WDHD1: variants seen among roughly 807,000 people sequenced by gnomAD.
WDHD1 encodes WD repeat and HMG-box DNA binding protein 1.
Under a neutral mutation model 135.4 loss-of-function variants are expected in WDHD1, and 111 were observed. The ratio of observed to expected loss-of-function variants is 0.82; its 90% CI spans 0.70 to 0.96. The LOEUF (loss-of-function observed/expected upper bound fraction) is 0.96, where lower values mean the gene tolerates loss of function less well. Ranked by LOEUF, WDHD1 falls within the 40% of genes least tolerant of loss-of-function variation. The pLI is 0.00. For synonymous variants in WDHD1, 434 were observed against 439.0 expected, an observed-to-expected ratio of 0.99 and a Z score of 0.14; for missense variants, 1,351 against 1,336.3, an observed-to-expected ratio of 1.01 and a Z score of -0.17.
intron 2 of WDHD1, among the ~76,000 whole-genome samples, chr14:55,017,471 T>A (rs970428167): frequency 6.6e-6 from 1 of 151,938 alleles, no homozygotes; most frequent in Non-Finnish European, 1.5e-5. Context: ...GCCTCCCAAG[T>A]AGCTAGTATT....
intron 2 of WDHD1, among the ~76,000 whole-genome samples, chr14:55,020,186 C>G (rs2042322543): frequency 6.6e-6 from 1 of 152,206 alleles, no homozygotes; most frequent in Admixed American, 6.5e-5. Flanking sequence ...CTATACCCCA[C>G]TGGTACTAGA....
Position 54,991,388 on chromosome 14 carries a change from A to G in WDHD1, c.1166T>C (p.Leu389Pro). The change falls in exon 12 of 26, where the codon CTA (leucine) becomes CCA (proline). Residue 389 changes from leucine (L) to proline (P), a missense_variant. By Grantham distance (98) the Leu-to-Pro change is moderately conservative (BLOSUM62 -3). Coordinates refer to ENST00000360586, the MANE Select transcript of WDHD1 (RefSeq NM_007086.4). Reference sequence around the variant, plus strand: ...TTTGAGAAGACTAGAACCAGTTTTTAGCATTGAAATATCTACAACACAAAG... The same window carrying G: ...TTTGAGAAGACTAGAACCAGTTTTTGGCATTGAAATATCTACAACACAAAG... Reference protein sequence around the residue: ...DDENSVDISMLKTGSSLLKEE... With the variant: ...DDENSVDISMPKTGSSLLKEE... The G allele has an allele frequency of 3.7e-6, 6 of 1,613,944 alleles. No individual in the cohort carries two copies. Among genetic ancestry groups the G allele is most frequent in the Non-Finnish European group, 5.1e-6 (6 of 1,179,866 alleles).
intron 24 of WDHD1, among the ~76,000 whole-genome samples, chr14:54,954,718 G>T (rs8008150): frequency 0.31 from 47,264 of 152,022 alleles, 7,487 homozygotes; most frequent in African/African-American, 0.37. Flanking sequence ...ATAGTATAAA[G>T]AAGTTCTTTT....
intron 2 of WDHD1, among the ~76,000 whole-genome samples, chr14:55,018,892 G>A (rs555084389): frequency 4.6e-5 from 7 of 152,232 alleles, no homozygotes; most frequent in South Asian, 2.1e-4. Flanking sequence ...GCATGGTGGC[G>A]CATGCCTGTA....
rs772387287 is a variant in WDHD1 at position 55,003,097 on chromosome 14, TAATA to T, written c.601-916_601-913del. Among the ~76,000 whole-genome samples, 9 of 152,246 alleles carry T rather than the reference TAATA, an allele frequency of 5.9e-5. No homozygotes were observed. In the East Asian group the frequency reaches 1.7e-3, roughly 29 times the overall value. ...TATCCAAAAAAGGATTAGTAACATA[TAATA>T]AAAACTTTATTTTAAAAAATTTTTA... On this transcript the variant is annotated intron_variant, in intron 7 of 25. Coordinates refer to ENST00000360586, the MANE Select transcript of WDHD1 (RefSeq NM_007086.4).
At chr14:55,008,781 T>C in intron 4 of WDHD1, 62 bp from the exon 5 acceptor site, 1 of 1,105,818 alleles carries the variant, frequency 9.0e-7, no homozygotes. Context: ...TCCTAAAAGC[T>C]ATGATCCAAA....
At chr14:55,026,894 G>A (rs1207496994) in intron 1 of WDHD1, 91 bp from the exon 2 acceptor site, 2 of 1,267,236 alleles carry the variant, frequency 1.6e-6, no homozygotes, top group Non-Finnish European at 2.3e-6. Flanking sequence ...CTCCTCTAGG[G>A]CCCGTTCTCC....
chr14:54,941,308 G>T lies in WDHD1; in HGVS notation c.*182C>A. ...TGGAGGCAGAGTAATCTGCAAAGATGATAGTTTTTACATATGTCCTGTTAC... is the reference window on the plus strand; with the variant it reads ...TGGAGGCAGAGTAATCTGCAAAGATTATAGTTTTTACATATGTCCTGTTAC... On this transcript the variant is annotated 3_prime_UTR_variant, in exon 26 of 26. Coordinates refer to ENST00000360586, the MANE Select transcript of WDHD1 (RefSeq NM_007086.4). The T allele has an allele frequency of 2.1e-6, 1 of 468,216 alleles. No individual in the cohort carries two copies. Among genetic ancestry groups the T allele is most frequent in the Non-Finnish European group, 3.6e-6 (1 of 277,896 alleles). The allele number at this position is 468,216 out of a possible 1,614,324, so 29.0% of individuals were successfully genotyped here. A position where few individuals can be genotyped will look rare whatever the true frequency, so the allele number is the denominator to read the frequency against.
intron 18 of WDHD1, among the ~76,000 whole-genome samples, chr14:54,966,164 TAAAAAAAAAAAAA>T (rs34071862): frequency 1.5e-5 from 1 of 67,198 alleles, no homozygotes; most frequent in South Asian, 6.7e-4. Context: ...CCATCTCTAC[TAAAAAAAAAAAAA>T]AAAAAAAAAA....
chr14:54,954,223 T>C (rs896322149), intron 24 of WDHD1, among the ~76,000 whole-genome samples: 3 of 151,024 alleles, frequency 2.0e-5, no homozygotes, highest in Non-Finnish European at 4.4e-5. Flanking sequence ...GAGGCGGAGG[T>C]TGCAGTGAGC....
chr14:54,952,646 A>T (rs1411551436), intron 24 of WDHD1, among the ~76,000 whole-genome samples: 1 of 152,222 alleles, frequency 6.6e-6, no homozygotes, highest in Non-Finnish European at 1.5e-5. Flanking sequence ...AAACTACTTT[A>T]AAGTTCATAT....
chr14:54,972,533 G>A (rs1280329005), intron 16 of WDHD1, among the ~76,000 whole-genome samples: 2 of 89,726 alleles, frequency 2.2e-5, no homozygotes, highest in Non-Finnish European at 4.4e-5. Flanking sequence ...TCCAGCCTGG[G>A]CAATAAAGCA....
At chr14:54,983,073 A>G (rs1350072044) in intron 15 of WDHD1, among the ~76,000 whole-genome samples, 1 of 152,198 alleles carries the variant, frequency 6.6e-6, no homozygotes, top group East Asian at 1.9e-4. Flanking sequence ...CTGAGGTACG[A>G]GAATCACTTG....
intron 22 of WDHD1, 67 bp downstream of exon 22, chr14:54,957,525 A>C (rs2041180250): frequency 7.3e-7 from 1 of 1,362,830 alleles, no homozygotes; most frequent in Admixed American, 2.2e-5. Flanking sequence ...TCATCTCATC[A>C]TTTGGAAATA....
chr14:55,022,123 G>A (rs1025084877), intron 2 of WDHD1, among the ~76,000 whole-genome samples: 1 of 152,094 alleles, frequency 6.6e-6, no homozygotes, highest in South Asian at 2.1e-4. Context: ...GGTGGCCAGG[G>A]GCATTGCCCA....
chr14:54,953,326 C>T (rs563680762), intron 24 of WDHD1, among the ~76,000 whole-genome samples: 7 of 152,216 alleles, frequency 4.6e-5, no homozygotes, highest in Admixed American at 1.3e-4. Flanking sequence ...TGAGCAGACA[C>T]TTCTCAAAAG....
chr14:54,973,185 A>G (rs1329549982), intron 16 of WDHD1, among the ~76,000 whole-genome samples: 1 of 152,220 alleles, frequency 6.6e-6, no homozygotes, highest in Admixed American at 6.5e-5. Flanking sequence ...CTCTTTTTGA[A>G]TGCTTACTAA....
Position 54,941,352 on chromosome 14 carries a change from T to TA in WDHD1, c.*137dup. On this transcript the variant is annotated 3_prime_UTR_variant, in exon 26 of 26. Transcript: ENST00000360586. ...CTGTTACCTACACCAATATAATTAC[T>TA]ACATTATCTTATAAAGACAAACAGT... 2.9e-6 allele frequency: 2 copies of TA among 682,044 alleles called. No individual in the cohort carries two copies. 42.2% of individuals were successfully genotyped at this position (682,044 alleles called of 1,614,324 possible).
chr14:54,997,736 C>A (rs2041908375), intron 10 of WDHD1, among the ~76,000 whole-genome samples: 1 of 151,746 alleles, frequency 6.6e-6, no homozygotes, highest in Non-Finnish European at 1.5e-5. Flanking sequence ...CACAGTGAAA[C>A]CCCGTCTCTA....
Sources: allele counts gnomAD v4.1 joint callset (sites outside exome capture counted in the v4.1 genomes callset), GRCh38; gene constraint gnomAD v4.1.1; transcripts MANE v1.5; gene names NCBI Gene and HGNC (gene_info 2026-07-23, HGNC 2026-07-21).